WBP1L: variants seen among roughly 807,000 people sequenced by gnomAD.
WBP1L encodes WW domain binding protein 1 like, also known as WW domain binding protein 1-like.
In WBP1L, 17 loss-of-function variants were observed where a neutral mutation model predicts 33.7. The observed-to-expected ratio is 0.50, with a 90% CI of 0.34 to 0.76. The LOEUF (loss-of-function observed/expected upper bound fraction) is 0.76. Among genes scored for constraint, WBP1L ranks in the 30% least tolerant of loss-of-function variants. The pLI is 0.01. For synonymous variants in WBP1L, 173 were observed against 190.8 expected, an observed-to-expected ratio of 0.91 and a Z score of 0.77; for missense variants, 389 against 469.4, an observed-to-expected ratio of 0.83 and a Z score of 1.58.
At chr10:102,761,130 T>TC (rs1843034474) in intron 1 of WBP1L, among the ~76,000 whole-genome samples, 1 of 145,846 alleles carries the variant, frequency 6.9e-6, no homozygotes, top group Non-Finnish European at 1.5e-5. Context: ...TGTTTTTTTT[T>TC]TTTTTTTTCT....
intron 1 of WBP1L, among the ~76,000 whole-genome samples, chr10:102,769,089 A>T (rs1167221748): frequency 6.6e-6 from 1 of 152,062 alleles, no homozygotes; most frequent in Non-Finnish European, 1.5e-5. Context: ...GGCTCAAGTG[A>T]TCCTCCTGCC....
intron 1 of WBP1L, among the ~76,000 whole-genome samples, chr10:102,763,534 A>G (rs1170786000): frequency 6.6e-6 from 1 of 152,198 alleles, no homozygotes; most frequent in Non-Finnish European, 1.5e-5. Context: ...AGGTGCTAGC[A>G]TGGCCAGGTC....
chr10:102,810,099 G>A (rs1564770985), intron 3 of WBP1L, 45 bp downstream of exon 3: 1 of 1,567,650 alleles, frequency 6.4e-7, no homozygotes, highest in Non-Finnish European at 8.6e-7. Flanking sequence ...GAGCTCAGGT[G>A]CACAGACCCA....
chr10:102,804,828 A>T (rs1481909914), intron 2 of WBP1L, among the ~76,000 whole-genome samples: 1 of 152,186 alleles, frequency 6.6e-6, no homozygotes, highest in Non-Finnish European at 1.5e-5. Flanking sequence ...CATTAGTTAG[A>T]CTTAGTCCCA....
intron 1 of WBP1L, among the ~76,000 whole-genome samples, chr10:102,756,775 A>G (rs943033435): frequency 5.9e-5 from 9 of 152,166 alleles, no homozygotes; most frequent in African/African-American, 2.2e-4. Flanking sequence ...ATTCGCATCA[A>G]TAGGATCTGC....
chr10:102,767,570 T>C (rs952928144), intron 1 of WBP1L, among the ~76,000 whole-genome samples: 2 of 151,978 alleles, frequency 1.3e-5, no homozygotes, highest in African/African-American at 4.8e-5. Context: ...ACCAATGACA[T>C]GGGGTGGAGT....
intron 1 of WBP1L, among the ~76,000 whole-genome samples, chr10:102,758,260 T>C (rs1352660707): frequency 1.3e-5 from 2 of 152,098 alleles, no homozygotes; most frequent in Non-Finnish European, 2.9e-5. Context: ...AGGGTATTAA[T>C]TAAGTGGTTT....
chr10:102,761,121 GTTT>G (rs111654669), intron 1 of WBP1L, among the ~76,000 whole-genome samples: 35,014 of 134,116 alleles, frequency 0.26, 4,360 homozygotes, highest in Middle Eastern at 0.4. Flanking sequence ...TGGCCAGGCT[GTTT>G]TTTTTTTTTT....
At position 102,812,896 on chromosome 10, in the gene WBP1L, C is replaced by T. The variant is rs1590196640; in HGVS notation, c.657C>T (p.Gly219=). The T allele has an allele frequency of 6.3e-7, 1 of 1,578,874 alleles. No homozygotes were observed. Among genetic ancestry groups the T allele is most frequent in the Admixed American group, 1.7e-5 (1 of 57,316 alleles). ...ATKAPGMEPS[G]SVAGLGELDP... ...AAGCCCCAGGGATGGAGCCCAGTGG[C>T]TCTGTGGCTGGCCTGGGGGAGCTGG... Residue 219 remains glycine (G), a synonymous_variant, in exon 4 of 4, where the codon GGC becomes GGT. Transcript: ENST00000448841.
intron 1 of WBP1L, among the ~76,000 whole-genome samples, chr10:102,793,606 C>T (rs1168123308): frequency 2.0e-5 from 3 of 152,168 alleles, no homozygotes; most frequent in African/African-American, 4.8e-5. Flanking sequence ...TGTTCTGAAA[C>T]AATTCTGAGT....
chr10:102,811,983 G>A (rs1843848392), intron 3 of WBP1L, among the ~76,000 whole-genome samples: 1 of 152,184 alleles, frequency 6.6e-6, no homozygotes, highest in African/African-American at 2.4e-5. Flanking sequence ...AGCCTTGGAT[G>A]GCAGAGGCCC....
chr10:102,796,533 G>T lies in WBP1L; in HGVS notation c.91-1460G>T, dbSNP rs148511035. On this transcript the variant is annotated intron_variant, in intron 1 of 3. Transcript: ENST00000448841. The stretch of plus-strand genomic sequence containing the variant: ...TAGTAAAGCATGGCCCAGAGAGGAG[G>T]AGCCGACCATGTGACTTCAGTTTCC... Among the ~76,000 whole-genome samples the T allele has an allele frequency of 2.4e-3, 358 of 152,278 alleles. 1 individual carries two copies. The highest frequency in any genetic ancestry group is 8.0e-3 in the African/African-American group (334 of 41,560).
rs187308279 is a variant in WBP1L, at chr10:102,747,511, T to G, written c.90+3368T>G. 1.1e-3 allele frequency among the ~76,000 whole-genome samples: 170 copies of G among 152,234 alleles called. 1 individual carries two copies. The Middle Eastern group carries it at 0.02, about 18-fold the overall frequency. ...TTTAGATTTAACCAGAATGTTTGTT[T>G]TTGTTGTTGTTGTTTTTGTTTTGTT... On this transcript the variant is annotated intron_variant, in intron 1 of 3. Coordinates refer to ENST00000448841, the MANE Select transcript of WBP1L (RefSeq NM_001083913.2).
chr10:102,808,431 G>A (rs1843772330), intron 2 of WBP1L, among the ~76,000 whole-genome samples: 1 of 152,176 alleles, frequency 6.6e-6, no homozygotes, highest in African/African-American at 2.4e-5. Context: ...TTATATTGGG[G>A]TTTGCTGAGA....
chr10:102,785,479 G>A (rs1299847142), intron 1 of WBP1L, among the ~76,000 whole-genome samples: 2 of 152,094 alleles, frequency 1.3e-5, no homozygotes, highest in African/African-American at 2.4e-5. Flanking sequence ...GAGCCACTGC[G>A]CCCAGCCTCA....
intron 1 of WBP1L, among the ~76,000 whole-genome samples, chr10:102,797,577 G>A (rs1564766791): frequency 6.6e-6 from 1 of 151,800 alleles, no homozygotes; most frequent in African/African-American, 2.4e-5. Context: ...TTTTGAGATG[G>A]AGTCTCGCTC....
intron 1 of WBP1L, among the ~76,000 whole-genome samples, chr10:102,754,155 C>G (rs1458047810): frequency 6.6e-6 from 1 of 152,198 alleles, no homozygotes; most frequent in Non-Finnish European, 1.5e-5. Flanking sequence ...TGGCTTTCTA[C>G]ACCAGGATGT....
Position 102,798,247 on chromosome 10 carries a change from T to A in WBP1L, c.193+152T>A, listed in dbSNP as rs1843601729. On this transcript the variant is annotated intron_variant, in intron 2 of 3. Transcript: ENST00000448841. ...TTATGGGTTCCAGAAGTGCTTCCTT[T>A]GTAGAGGAAGAGAGTTCTGGTGCTC... The A allele has an allele frequency of 4.7e-6, 3 of 637,796 alleles. No homozygotes were observed. In the East Asian group the frequency reaches 8.4e-5, roughly 18 times the overall value. The allele number at this position is 637,796 out of a possible 1,614,324, so 39.5% of individuals were successfully genotyped here.
At chr10:102,759,158 C>T (rs1045140268) in intron 1 of WBP1L, among the ~76,000 whole-genome samples, 15 of 152,284 alleles carry the variant, frequency 9.9e-5, no homozygotes, top group Admixed American at 9.2e-4. Context: ...AAAGGAGACT[C>T]CCTTTCGCGG....
Sources: gnomAD v4.1 joint callset for allele counts (sites outside exome capture counted in the v4.1 genomes callset) on GRCh38, gnomAD v4.1.1 for gene constraint, MANE v1.5 for transcripts, NCBI Gene and HGNC (gene_info 2026-07-23, HGNC 2026-07-21) for gene names.